The following GSE1 variants were observed in gnomAD, a reference collection of about 807,000 sequenced individuals.
GSE1 encodes the protein Gse1 coiled-coil protein, also known as genetic suppressor element 1.
In GSE1, 32 loss-of-function variants were observed where a neutral mutation model predicts 112.6. That is an observed-to-expected ratio of 0.28 (90% CI 0.21 to 0.38). The LOEUF is 0.38. GSE1 is among the 10% of genes least tolerant of loss of function. The probability of loss-of-function intolerance (pLI) is 1.00; values close to 1 mark genes in which losing one functional copy is unlikely to be tolerated. For synonymous variants in GSE1, 1,115 were observed against 735.6 expected (o/e 1.52, Z -8.35); for missense variants, 2,348 against 1,699.2 (o/e 1.38, Z -6.71).
intron 2 of GSE1, among the ~76,000 whole-genome samples, chr16:85,465,135 C>A (rs2050087800): frequency 6.6e-6 from 1 of 152,240 alleles, no homozygotes; most frequent in Non-Finnish European, 1.5e-5. Flanking sequence ...CCAGAAAGAT[C>A]CGGTCACTCC....
At chr16:85,283,142 G>C (rs531327739) in intron 1 of GSE1, 2 of 152,946 alleles carry the variant, frequency 1.3e-5, no homozygotes, top group African/African-American at 4.8e-5. Context: ...CTGCTGACCA[G>C]GGTAGAGGCT....
rs1555581724 is a variant in GSE1, at chr16:85,408,487, G to GC, written c.2464+50845dup. 4.0e-5 allele frequency among the ~76,000 whole-genome samples: 2 copies of GC among 50,412 alleles called. 1 individual carries two copies. Among genetic ancestry groups the GC allele is most frequent in the Non-Finnish European group, 7.7e-5 (2 of 25,990 alleles). 33.1% of individuals were successfully genotyped at this position (50,412 alleles called of 152,430 possible). The stretch of plus-strand genomic sequence containing the variant: ...GATAATCCTCACTGTTACTCTCAGG[G>GC]CACCTGGATAATCCTCACTGTTACA... On this transcript the variant is annotated intron_variant, in intron 2 of 2. Transcript: ENST00000637419.
intron 1 of GSE1, chr16:85,593,050 G>A (rs1005721350): frequency 3.9e-5 from 6 of 152,294 alleles, no homozygotes; most frequent in African/African-American, 1.4e-4. Flanking sequence ...GCAGGGAAGT[G>A]AAGGAATCAT....
At chr16:85,353,153 A>G (rs2046883647) in intron 1 of GSE1, among the ~76,000 whole-genome samples, 1 of 152,202 alleles carries the variant, frequency 6.6e-6, no homozygotes, top group South Asian at 2.1e-4. Context: ...TGGAGGCTCA[A>G]CCGTGGAGGA....
Position 85,597,123 on chromosome 16 carries a change from C to T in GSE1, c.37+40760C>T, listed in dbSNP as rs565813849. Among the ~76,000 whole-genome samples, 46 of 151,642 alleles carry T rather than the reference C, an allele frequency of 3.0e-4. No homozygotes were observed. In the Middle Eastern group the frequency reaches 0.01, roughly 34 times the overall value. The stretch of plus-strand genomic sequence containing the variant: ...CCTCCCAAGTAGCTGGGATTCCAGG[C>T]GCCCGCCACCATGCCCGGCTAATTT... On this transcript the variant is annotated intron_variant, in intron 1 of 2. Coordinates refer to the GSE1 transcript ENST00000635906.
chr16:85,341,493 A>G (rs1387845725), intron 1 of GSE1, among the ~76,000 whole-genome samples: 1 of 152,088 alleles, frequency 6.6e-6, no homozygotes, highest in African/African-American at 2.4e-5. Flanking sequence ...CCCCGTCTCT[A>G]CTAAAAATAC....
At chr16:85,551,595 C>T (rs936695675), upstream of GSE1, among the ~76,000 whole-genome samples, 1 of 152,214 alleles carries the variant, frequency 6.6e-6, no homozygotes, top group Admixed American at 6.5e-5. Flanking sequence ...CTTTCTGTTT[C>T]TCAGCTGTTT....
intron 1 of GSE1, among the ~76,000 whole-genome samples, chr16:85,303,922 C>T (rs2045594273): frequency 1.3e-5 from 2 of 152,236 alleles, no homozygotes; most frequent in Admixed American, 1.3e-4. Context: ...TGGTGCTGCT[C>T]TCGGCTGCCG....
At chr16:85,346,244 A>T (rs2046733442) in intron 1 of GSE1, among the ~76,000 whole-genome samples, 1 of 147,962 alleles carries the variant, frequency 6.8e-6, no homozygotes, top group Non-Finnish European at 1.5e-5. Flanking sequence ...TGGGTGGATG[A>T]TGGATGGATG....
At chr16:85,295,767 ACT>A (rs1491486768) in intron 1 of GSE1, among the ~76,000 whole-genome samples, 3 of 79,980 alleles carry the variant, frequency 3.8e-5, no homozygotes, top group South Asian at 6.5e-4. Flanking sequence ...CTAATTCGTA[ACT>A]TTTTTTTTTT....
chr16:85,554,237 G>C (rs1305960460), upstream of GSE1, among the ~76,000 whole-genome samples: 4 of 152,212 alleles, frequency 2.6e-5, no homozygotes, highest in Non-Finnish European at 5.9e-5. Context: ...ACAGGATGTG[G>C]TTTGGCGGCA....
At chr16:85,367,844 CTT>C (rs5818532) in intron 2 of GSE1, among the ~76,000 whole-genome samples, 43 of 115,006 alleles carry the variant, frequency 3.7e-4, no homozygotes, top group Non-Finnish European at 5.6e-4. Flanking sequence ...AAATAAGATT[CTT>C]TTTTTTTTTT....
chr16:85,629,999 G>A (rs1165796175), intron 1 of GSE1, among the ~76,000 whole-genome samples: 2 of 152,214 alleles, frequency 1.3e-5, no homozygotes, highest in Non-Finnish European at 2.9e-5. Flanking sequence ...TCTGTGATGA[G>A]CCTACTTGAG....
intron 14 of GSE1, among the ~76,000 whole-genome samples, chr16:85,670,038 T>C (rs907998888): frequency 3.3e-5 from 5 of 152,254 alleles, no homozygotes; most frequent in Admixed American, 2.6e-4. Context: ...TTCAGTTGCA[T>C]TGAATTTACA....
intron 1 of GSE1, among the ~76,000 whole-genome samples, chr16:85,247,225 G>A (rs2143993552): frequency 6.6e-6 from 1 of 152,342 alleles, no homozygotes; most frequent in East Asian, 1.9e-4. Flanking sequence ...ATGGGAGGGT[G>A]TGTGTCTCCC....
intron 1 of GSE1, among the ~76,000 whole-genome samples, chr16:85,251,642 G>T (rs1244496569): frequency 6.6e-6 from 1 of 152,132 alleles, no homozygotes; most frequent in Non-Finnish European, 1.5e-5. Context: ...GGCCTTGCTG[G>T]GCGGTCAGAC....
chr16:85,413,730 C>A (rs1046646950), intron 2 of GSE1, among the ~76,000 whole-genome samples: 9 of 152,154 alleles, frequency 5.9e-5, no homozygotes, highest in Non-Finnish European at 1.3e-4. Flanking sequence ...ACTCCCAGAA[C>A]CTCCAGGGCA....
At chr16:85,643,064 G>T (rs1393337121) in intron 2 of GSE1, among the ~76,000 whole-genome samples, 1 of 152,176 alleles carries the variant, frequency 6.6e-6, no homozygotes, top group Non-Finnish European at 1.5e-5. Context: ...GTGCTGCTGT[G>T]GCGCTGCGGT....
At chr16:85,437,339 G>A (rs2049272694) in intron 2 of GSE1, among the ~76,000 whole-genome samples, 1 of 152,192 alleles carries the variant, frequency 6.6e-6, no homozygotes, top group African/African-American at 2.4e-5. Flanking sequence ...GTAAATAGAA[G>A]AACTGGCCTC....
Sources: gnomAD v4.1 joint callset for allele counts (sites outside exome capture counted in the v4.1 genomes callset) on GRCh38, gnomAD v4.1.1 for gene constraint, MANE v1.5 for transcripts, NCBI Gene and HGNC (gene_info 2026-07-23, HGNC 2026-07-21) for gene names.